Variants in ALK observed in about 807,000 individuals in gnomAD.
The protein encoded by ALK is ALK tyrosine kinase receptor.
In ALK, 74 loss-of-function variants were observed where a neutral mutation model predicts 163.1. The observed-to-expected ratio is 0.45, with a 90% CI of 0.38 to 0.55. The LOEUF (loss-of-function observed/expected upper bound fraction) is 0.55, where lower values mean the gene tolerates loss of function less well. ALK is among the 20% of genes least tolerant of loss of function. The pLI, the probability that ALK is intolerant of heterozygous loss-of-function variation, is 0.00. For synonymous variants in ALK, 960 were observed against 843.2 expected, an observed-to-expected ratio of 1.14 and a Z score of -2.40; for missense variants, 2,063 against 2,105.3, an observed-to-expected ratio of 0.98 and a Z score of 0.39.
chr2:29,326,129 C>T (rs1293525897), intron 6 of ALK, among the ~76,000 whole-genome samples: 8 of 152,122 alleles, frequency 5.3e-5, no homozygotes, highest in East Asian at 1.9e-4. Flanking sequence ...TTGTCAGAGC[C>T]GCTTTTCAAA....
At chr2:29,500,870 C>T (rs1558353194) in intron 4 of ALK, among the ~76,000 whole-genome samples, 1 of 152,178 alleles carries the variant, frequency 6.6e-6, no homozygotes, top group African/African-American at 2.4e-5. Context: ...GGATCTAATG[C>T]TTTGCTCATC....
At chr2:29,296,722 A>AGTGTGTGTGTGT (rs3054024) in intron 9 of ALK, among the ~76,000 whole-genome samples, 166 bp downstream of exon 9, 22 of 150,490 alleles carry the variant, frequency 1.5e-4, no homozygotes, top group Admixed American at 4.0e-4. Context: ...TAACCTGCAG[A>AGTGTGTGTGTGT]GTGTGTGTGT....
At chr2:29,871,063 G>A (rs944247319) in intron 1 of ALK, among the ~76,000 whole-genome samples, 17 of 152,180 alleles carry the variant, frequency 1.1e-4, no homozygotes, top group African/African-American at 4.1e-4. Context: ...TTTCAATCCT[G>A]TGGGGACAGA....
At chr2:29,797,039 T>C (rs947183502) in intron 1 of ALK, among the ~76,000 whole-genome samples, 3 of 150,606 alleles carry the variant, frequency 2.0e-5, no homozygotes, top group African/African-American at 4.9e-5. Flanking sequence ...TACACACACA[T>C]ATATATATGG....
chr2:29,242,318 C>T (rs761752278), intron 12 of ALK, among the ~76,000 whole-genome samples: 1 of 152,198 alleles, frequency 6.6e-6, no homozygotes, highest in Non-Finnish European at 1.5e-5. Context: ...CTCATCCTAC[C>T]CACTCCTGCT....
At chr2:29,858,668 A>C (rs1572443445) in intron 1 of ALK, among the ~76,000 whole-genome samples, 1 of 152,080 alleles carries the variant, frequency 6.6e-6, no homozygotes. Flanking sequence ...GCTTGAACCC[A>C]GAAGGTGGAG....
At chr2:29,581,353 A>G (rs56131706) in intron 3 of ALK, among the ~76,000 whole-genome samples, 18,487 of 152,158 alleles carry the variant, frequency 0.12, 1,494 homozygotes, top group Non-Finnish European at 0.19. Context: ...GTGCCACTGC[A>G]CTCCAGCCTG....
intron 4 of ALK, among the ~76,000 whole-genome samples, chr2:29,463,719 A>T (rs1438821265): frequency 6.6e-6 from 1 of 152,188 alleles, no homozygotes; most frequent in Non-Finnish European, 1.5e-5. Context: ...GATGTAGGGG[A>T]GAGAGAGAAT....
At chr2:29,391,250 T>G (rs888041104) in intron 4 of ALK, among the ~76,000 whole-genome samples, 2 of 145,112 alleles carry the variant, frequency 1.4e-5, no homozygotes, top group Admixed American at 6.8e-5. Flanking sequence ...TTCTCATGTT[T>G]CGGAACAAAG....
rs945863167 is a variant in ALK, at chr2:29,815,891, C to T, written c.668-98194G>A. 2.0e-5 allele frequency among the ~76,000 whole-genome samples: 3 copies of T among 152,140 alleles called. No individual in the cohort carries two copies. In the South Asian group the frequency reaches 6.2e-4, roughly 32 times the overall value. On this transcript the variant is annotated intron_variant, in intron 1 of 28. Transcript: ENST00000389048. The stretch of plus-strand genomic sequence containing the variant: ...TAAGGAGTCCATGAATGTTTAGTTA[C>T]CAGCCTGTTCTCAAAGAATTTGAAA...
chr2:29,468,115 G>C lies in ALK; in HGVS notation c.1154+63800C>G, dbSNP rs147460604. ...ACGATCTCAGCTCACTGCAACCTGC[G>C]CCTACCGGGTTCAAGTGATTCTCTT... On this transcript the variant is annotated intron_variant, in intron 4 of 28. Transcript: ENST00000389048. Among the ~76,000 whole-genome samples, 4 of 151,778 alleles carry C rather than the reference G, an allele frequency of 2.6e-5. No homozygotes were observed. In the East Asian group the frequency reaches 7.7e-4, roughly 29 times the overall value.
chr2:29,352,601 G>T (rs920907707), intron 5 of ALK, among the ~76,000 whole-genome samples: 1 of 152,242 alleles, frequency 6.6e-6, no homozygotes, highest in African/African-American at 2.4e-5. Flanking sequence ...TCCAGAGAGG[G>T]TTATGTGATA....
intron 4 of ALK, among the ~76,000 whole-genome samples, chr2:29,460,240 A>C (rs1671053650): frequency 1.3e-5 from 2 of 152,200 alleles, no homozygotes; most frequent in Admixed American, 1.3e-4. Context: ...GTTTTGATGC[A>C]TGAAAAAATC....
chr2:29,656,437 A>G (rs533586780), intron 3 of ALK, among the ~76,000 whole-genome samples: 1 of 152,210 alleles, frequency 6.6e-6, no homozygotes, highest in Non-Finnish European at 1.5e-5. Flanking sequence ...TAATGTATAC[A>G]TATTTCTTCC....
In ALK at chr2:29,226,946, C is replaced by A. The variant is rs1263029598; in HGVS notation, c.3043G>T (p.Ala1015Ser). ...CCAATGCAGGAGACGCCATCCTCAG[C>A]CAGCACCGTCCCGTGGTCACAGAAG... is the stretch of plus-strand genomic sequence containing the variant. ...ICFCDHGTVL[A>S]EDGVSCIVSP... The change falls in exon 18 of 29, where the codon GCT (alanine) becomes TCT (serine). Residue 1015 changes from alanine to serine, a missense_variant. Physicochemically the swap from Ala to Ser is moderately conservative, Grantham distance 99 (BLOSUM62 1). This residue lies in a region of ALK where 575 missense variants were observed against 626.6 expected (regional missense o/e 0.92). Coordinates refer to ENST00000389048, the MANE Select transcript of ALK (RefSeq NM_004304.5). 1 of 1,614,186 alleles carries A rather than the reference C, an allele frequency of 6.2e-7. No homozygotes were observed. The highest frequency in any genetic ancestry group is 8.5e-7 in the Non-Finnish European group (1 of 1,180,032).
At chr2:29,840,665 T>C (rs1164068679) in intron 1 of ALK, among the ~76,000 whole-genome samples, 2 of 152,228 alleles carry the variant, frequency 1.3e-5, no homozygotes, top group Admixed American at 6.5e-5. Context: ...AGATCTTGAA[T>C]TCGGGAAAGA....
chr2:29,515,993 C>T (rs1558361492), intron 4 of ALK, among the ~76,000 whole-genome samples: 2 of 152,118 alleles, frequency 1.3e-5, no homozygotes, highest in Non-Finnish European at 1.5e-5. Flanking sequence ...CAAGCTTGGC[C>T]GAGTGGGCTA....
chr2:29,488,947 C>G (rs1671840054), intron 4 of ALK, among the ~76,000 whole-genome samples: 1 of 152,134 alleles, frequency 6.6e-6, no homozygotes, highest in South Asian at 2.1e-4. Context: ...AATGGGGCCA[C>G]AAGCTCTGAA....
intron 1 of ALK, among the ~76,000 whole-genome samples, chr2:29,771,735 C>T (rs989100582): frequency 1.6e-4 from 24 of 151,970 alleles, no homozygotes; most frequent in Admixed American, 5.9e-4. Flanking sequence ...GGGGTTTCAC[C>T]GTGTTAGCCA....
Sources: allele counts gnomAD v4.1 joint callset (sites outside exome capture counted in the v4.1 genomes callset), GRCh38; gene constraint gnomAD v4.1.1; regional missense constraint gnomAD v4.1.1; transcripts MANE v1.5; gene names NCBI Gene and HGNC (gene_info 2026-07-23, HGNC 2026-07-21).